PUDP: variants seen among roughly 807,000 people sequenced by gnomAD.
PUDP encodes the protein pseudouridine 5'-phosphatase.
A neutral mutation model predicts 9.4 loss-of-function variants in PUDP; 8 were observed. That is an observed-to-expected ratio of 0.85 (90% CI 0.50 to 1.53). PUDP has a LOEUF of 1.53. Ranked by LOEUF, PUDP falls within the 40% of genes most tolerant of loss-of-function variation. The pLI is 0.00. For synonymous variants in PUDP, 99 were observed against 80.7 expected, an observed-to-expected ratio of 1.23 and a Z score of -1.22; for missense variants, 188 against 189.7, an observed-to-expected ratio of 0.99 and a Z score of 0.05.
At chrX:6,870,008 G>A (rs776855584) in intron 3 of PUDP, among the ~76,000 whole-genome samples, 25 of 110,772 alleles carry the variant, frequency 2.3e-4, no homozygotes, top group Admixed American at 9.7e-4. Context: ...GGAAGCAACC[G>A]AAGCGTTCAT....
intron 1 of PUDP, among the ~76,000 whole-genome samples, chrX:7,023,277 G>A (rs377536567): frequency 9.8e-5 from 11 of 111,746 alleles, no homozygotes; most frequent in East Asian, 2.8e-4. Context: ...AATATCTGGC[G>A]TCTTAAAAAG....
intron 3 of PUDP, among the ~76,000 whole-genome samples, chrX:6,860,522 G>A (rs1926984345): frequency 9.2e-6 from 1 of 108,150 alleles, no homozygotes; most frequent in African/African-American, 3.3e-5. Context: ...CCAGGCTGGA[G>A]TGCAGTGGCA....
chrX:6,767,445 G>A (rs948832985), intron 3 of PUDP, among the ~76,000 whole-genome samples: 6 of 112,573 alleles, frequency 5.3e-5, no homozygotes, highest in African/African-American at 1.9e-4. Context: ...TTCCTCATTA[G>A]TCGCTGGCGA....
intron 3 of PUDP, among the ~76,000 whole-genome samples, chrX:6,727,016 T>G (rs1924746816): frequency 8.9e-6 from 1 of 111,844 alleles, no homozygotes; most frequent in African/African-American, 3.2e-5. Context: ...TTGAAAGAAC[T>G]TACACCAGTG....
At chrX:6,900,801 C>T (rs1009590011) in intron 3 of PUDP, among the ~76,000 whole-genome samples, 9 of 107,266 alleles carry the variant, frequency 8.4e-5, no homozygotes, top group African/African-American at 3.1e-4. Context: ...GTTTTTGAGA[C>T]GGTGTCTAGC....
At chrX:6,890,920 G>A (rs931997871) in intron 3 of PUDP, among the ~76,000 whole-genome samples, 1 of 78,736 alleles carries the variant, frequency 1.3e-5, no homozygotes, top group Admixed American at 1.7e-4. Flanking sequence ...GGCACATGAT[G>A]AGGCCTCATC....
intron 3 of PUDP, among the ~76,000 whole-genome samples, chrX:6,969,797 C>A (rs777988417): frequency 1.8e-5 from 2 of 112,146 alleles, no homozygotes; most frequent in African/African-American, 6.5e-5. Context: ...TGGGAGGACT[C>A]TTTGAGCCCA....
chrX:6,910,282 C>A (rs1265181945), intron 3 of PUDP, among the ~76,000 whole-genome samples: 1 of 111,892 alleles, frequency 8.9e-6, no homozygotes, highest in African/African-American at 3.2e-5. Context: ...TGTTTTAACC[C>A]ATGTATGATA....
In PUDP at chrX:7,129,344, T is replaced by C. The variant is rs997739222; in HGVS notation, c.61+18709A>G. ...GCTCCATCTAGTCCCTGCTCTGTCA[T>C]GTAACATGTGCCCATTCATTCAAGG... On this transcript the variant is annotated intron_variant, in intron 1 of 3. Transcript: ENST00000381077. 6.3e-5 allele frequency among the ~76,000 whole-genome samples: 7 copies of C among 111,956 alleles called. No individual in the cohort carries two copies. The Admixed American group carries it at 6.6e-4, about 11-fold the overall frequency.
intron 3 of PUDP, among the ~76,000 whole-genome samples, chrX:6,914,559 C>T (rs1048115779): frequency 8.9e-6 from 1 of 112,114 alleles, no homozygotes; most frequent in Admixed American, 9.4e-5. Flanking sequence ...GGTGAATCCT[C>T]GAATTTATTC....
chrX:7,138,809 T>C (rs983223112), intron 1 of PUDP, among the ~76,000 whole-genome samples: 1 of 112,459 alleles, frequency 8.9e-6, no homozygotes, highest in Admixed American at 9.4e-5. Context: ...GTCTTCCTTC[T>C]TGTGTTCTTA....
In PUDP at chrX:6,911,473, C is replaced by T. The variant is rs184188158; in HGVS notation, c.*247+65660G>A. Among the ~76,000 whole-genome samples the T allele has an allele frequency of 6.2e-3, 692 of 111,754 alleles. 3 individuals carry two copies. Among genetic ancestry groups the T allele is most frequent in the Non-Finnish European group, 9.4e-3 (500 of 53,157 alleles). On this transcript the variant is annotated intron_variant and NMD_transcript_variant, in intron 3 of 3. Transcript: ENST00000655425. ...CCTTCCAAAGTGCTGGGATTACAGGCGTGAGCCACCGTGCCTGGCCTCTTT... is the reference window on the plus strand; with the variant it reads ...CCTTCCAAAGTGCTGGGATTACAGGTGTGAGCCACCGTGCCTGGCCTCTTT...
intron 3 of PUDP, among the ~76,000 whole-genome samples, chrX:6,872,991 C>A (rs375398512): frequency 1.8e-5 from 2 of 111,124 alleles, no homozygotes; most frequent in South Asian, 7.7e-4. Flanking sequence ...TGAATCAAGG[C>A]AGACACATAA....
chrX:7,088,364 T>C (rs1210052722), intron 2 of PUDP, among the ~76,000 whole-genome samples: 7 of 111,229 alleles, frequency 6.3e-5, no homozygotes, highest in African/African-American at 2.3e-4. Flanking sequence ...AATGTGATAG[T>C]GGGACTGAAT....
At chrX:6,879,891 C>T (rs1298399126) in intron 3 of PUDP, among the ~76,000 whole-genome samples, 1 of 110,766 alleles carries the variant, frequency 9.0e-6, no homozygotes, top group East Asian at 2.9e-4. Flanking sequence ...TGAAGGACAT[C>T]CTATTTCTAT....
intron 3 of PUDP, among the ~76,000 whole-genome samples, chrX:6,858,367 T>A (rs1439097828): frequency 9.8e-6 from 1 of 102,485 alleles, no homozygotes; most frequent in Admixed American, 1.1e-4. Flanking sequence ...TCTCACTCTG[T>A]CATCCAGGCT....
At chrX:6,758,893 T>C (rs907224467) in intron 3 of PUDP, among the ~76,000 whole-genome samples, 2 of 111,645 alleles carry the variant, frequency 1.8e-5, no homozygotes, top group Middle Eastern at 4.6e-3. Flanking sequence ...AGTGATAAAA[T>C]TGCTGCACAT....
chrX:6,805,639 C>T (rs767748330), intron 3 of PUDP, among the ~76,000 whole-genome samples: 1 of 110,341 alleles, frequency 9.1e-6, no homozygotes, highest in East Asian at 2.9e-4. Context: ...CTCACCTCAG[C>T]CTCCCAAGTA....
At chrX:6,734,258 A>C (rs758900983) in intron 3 of PUDP, among the ~76,000 whole-genome samples, 1 of 111,949 alleles carries the variant, frequency 8.9e-6, no homozygotes. Flanking sequence ...AGGAGGAATA[A>C]GTTTTTAAGA....
Sources: allele counts gnomAD v4.1 joint callset (sites outside exome capture counted in the v4.1 genomes callset), GRCh38; gene constraint gnomAD v4.1.1; transcripts MANE v1.5; gene names NCBI Gene and HGNC (gene_info 2026-07-23, HGNC 2026-07-21).